TMEM117: variants seen among roughly 807,000 people sequenced by gnomAD.
TMEM117 encodes transmembrane protein 117.
TMEM117 carries 27 observed loss-of-function variants against 52.4 expected under a neutral mutation model. The ratio of observed to expected loss-of-function variants is 0.51; its 90% CI spans 0.38 to 0.71. The LOEUF (loss-of-function observed/expected upper bound fraction) is 0.71. Among genes scored for constraint, TMEM117 ranks in the 30% least tolerant of loss-of-function variants. The pLI, the probability that TMEM117 is intolerant of heterozygous loss-of-function variation, is 0.00. For missense variants in TMEM117, 556 were observed against 630.5 expected, an observed-to-expected ratio of 0.88 and a Z score of 1.26; for synonymous variants, 215 against 206.3, an observed-to-expected ratio of 1.04 and a Z score of -0.36.
At chr12:44,365,898 G>C (rs1208301368) in intron 6 of TMEM117, among the ~76,000 whole-genome samples, 1 of 151,944 alleles carries the variant, frequency 6.6e-6, no homozygotes, top group African/African-American at 2.4e-5. Flanking sequence ...ATATAGTTCA[G>C]GGGCTACTGA....
chr12:43,892,730 G>A (rs1188922362), intron 2 of TMEM117, among the ~76,000 whole-genome samples: 2 of 152,108 alleles, frequency 1.3e-5, no homozygotes, highest in Admixed American at 1.3e-4. Flanking sequence ...GGGCTACAGT[G>A]ATAAACAAAA....
chr12:44,264,117 A>G (rs1360089223), intron 5 of TMEM117: 1 of 152,236 alleles, frequency 6.6e-6, no homozygotes, highest in Admixed American at 6.5e-5. Flanking sequence ...TTCAGTGAAT[A>G]TGGTAAAACT....
the TMEM117 span, among the ~76,000 whole-genome samples, chr12:44,396,690 C>A: frequency 6.6e-6 from 1 of 151,868 alleles, no homozygotes; most frequent in South Asian, 2.1e-4. Context: ...TCTGTCTCTA[C>A]TGAAAATATA....
intron 4 of TMEM117, among the ~76,000 whole-genome samples, chr12:44,163,159 A>G (rs1948920459): frequency 6.6e-6 from 1 of 152,252 alleles, no homozygotes; most frequent in South Asian, 2.1e-4. Context: ...TAGCAAATCC[A>G]TAAGATTAGC....
At chr12:44,212,021 A>T (rs931283859) in intron 5 of TMEM117, among the ~76,000 whole-genome samples, 30 of 152,234 alleles carry the variant, frequency 2.0e-4, no homozygotes, top group African/African-American at 2.4e-5. Flanking sequence ...TGTGTGATAT[A>T]ATATACAGTT....
At chr12:44,176,563 A>T (rs576693918) in intron 4 of TMEM117, among the ~76,000 whole-genome samples, 1 of 152,272 alleles carries the variant, frequency 6.6e-6, no homozygotes, top group South Asian at 2.1e-4. Context: ...GTTGTGCCAG[A>T]TAACTATTTT....
At chr12:43,977,815 G>A (rs2137711202) in intron 3 of TMEM117, among the ~76,000 whole-genome samples, 1 of 152,194 alleles carries the variant, frequency 6.6e-6, no homozygotes, top group South Asian at 2.1e-4. Context: ...TAATTTTTGT[G>A]GGCCACCCCA....
chr12:44,071,119 C>A (rs924606303), intron 3 of TMEM117, among the ~76,000 whole-genome samples: 1 of 152,176 alleles, frequency 6.6e-6, no homozygotes, highest in Non-Finnish European at 1.5e-5. Flanking sequence ...ATCAAGATAA[C>A]AATGGCCCTT....
At chr12:44,003,402 G>C (rs1946145054) in intron 3 of TMEM117, among the ~76,000 whole-genome samples, 1 of 152,218 alleles carries the variant, frequency 6.6e-6, no homozygotes, top group Non-Finnish European at 1.5e-5. Context: ...TTCTGTGCCT[G>C]AATTCCTGAC....
chr12:44,342,114 A>T (rs915649755), intron 6 of TMEM117, among the ~76,000 whole-genome samples: 18 of 152,182 alleles, frequency 1.2e-4, no homozygotes, highest in Admixed American at 1.2e-3. Flanking sequence ...TAAAACTACA[A>T]GTCAGCTATC....
chr12:43,865,942 A>G (rs1339507793), intron 2 of TMEM117, among the ~76,000 whole-genome samples: 1 of 152,002 alleles, frequency 6.6e-6, no homozygotes, highest in East Asian at 1.9e-4. Context: ...TTAAAATTAA[A>G]GTTTATTGTA....
intron 2 of TMEM117, among the ~76,000 whole-genome samples, chr12:43,913,644 G>A (rs904043990): frequency 3.3e-5 from 5 of 152,046 alleles, no homozygotes; most frequent in South Asian, 2.1e-4. Flanking sequence ...TTTATGAGTC[G>A]TTCCTGTTTT....
chr12:43,864,507 G>C (rs142429295), intron 2 of TMEM117, among the ~76,000 whole-genome samples: 1 of 151,968 alleles, frequency 6.6e-6, no homozygotes, highest in Non-Finnish European at 1.5e-5. Flanking sequence ...TGCATCAATC[G>C]GCACTCTGTA....
At chr12:43,815,487 G>A in the TMEM117 span, among the ~76,000 whole-genome samples, 1 of 152,198 alleles carries the variant, frequency 6.6e-6, no homozygotes, top group South Asian at 2.1e-4. Context: ...TGAAGACACA[G>A]GAGAGGTGTT....
intron 5 of TMEM117, among the ~76,000 whole-genome samples, chr12:44,240,004 G>T (rs1486050243): frequency 1.3e-5 from 2 of 151,936 alleles, no homozygotes; most frequent in African/African-American, 4.8e-5. Context: ...AATGACTTTT[G>T]AATAGAAAAT....
chr12:44,376,663 G>T lies in TMEM117; in HGVS notation c.837G>T (p.Met279Ile). The stretch of plus-strand genomic sequence containing the variant: ...TCCCTGGTTTGCACACCCCTCACAT[G>T]CAGTTCAAGATTCCTTTCTTCCAGA... ...VNLPGLHTPH[M>I]QFKIPFFQKI... Residue 279 changes from methionine (M) to isoleucine (I), a missense_variant, in exon 7 of 8, where the codon ATG (methionine) becomes ATT (isoleucine). By Grantham distance (10) the Met-to-Ile change is conservative. Coordinates refer to ENST00000266534, the MANE Select transcript of TMEM117 (RefSeq NM_032256.3). The T allele has an allele frequency of 6.2e-7, 1 of 1,612,460 alleles. No individual in the cohort carries two copies.
intron 2 of TMEM117, among the ~76,000 whole-genome samples, chr12:43,862,316 C>T (rs1943504744): frequency 6.6e-6 from 1 of 152,126 alleles, no homozygotes; most frequent in Non-Finnish European, 1.5e-5. Flanking sequence ...CTACAGGCGC[C>T]CGCCACCATG....
At chr12:44,035,099 C>T (rs191800639) in intron 3 of TMEM117, among the ~76,000 whole-genome samples, 22 of 152,296 alleles carry the variant, frequency 1.4e-4, no homozygotes, top group East Asian at 3.9e-4. Context: ...TTCTGAGTCT[C>T]GCGCTTGCAG....
chr12:44,311,294 G>A (rs553103200), intron 6 of TMEM117, among the ~76,000 whole-genome samples: 11 of 152,062 alleles, frequency 7.2e-5, no homozygotes, highest in Admixed American at 3.9e-4. Flanking sequence ...TTGGCAAGTC[G>A]AATAAGGTCT....
Sources: gnomAD v4.1 joint callset for allele counts (sites outside exome capture counted in the v4.1 genomes callset) on GRCh38, gnomAD v4.1.1 for gene constraint, MANE v1.5 for transcripts, NCBI Gene and HGNC (gene_info 2026-07-23, HGNC 2026-07-21) for gene names.